SOX5: variants seen among roughly 807,000 people sequenced by gnomAD.
SOX5 encodes SRY-box transcription factor 5, also known as transcription factor SOX-5.
In SOX5, 9 loss-of-function variants were observed where a neutral mutation model predicts 92.0. The observed-to-expected ratio is 0.10, with a 90% CI of 0.06 to 0.17. The LOEUF (loss-of-function observed/expected upper bound fraction) is 0.17, where lower values mean the gene tolerates loss of function less well. SOX5 is among the 10% of genes least tolerant of loss of function. The pLI, the probability that SOX5 is intolerant of heterozygous loss-of-function variation, is 1.00. For synonymous variants in SOX5, 344 were observed against 336.3 expected (o/e 1.02, Z -0.25); for missense variants, 642 against 944.5 (o/e 0.68, Z 4.20).
At chr12:24,068,591 C>T (rs1941176737) in intron 4 of SOX5, among the ~76,000 whole-genome samples, 1 of 150,860 alleles carries the variant, frequency 6.6e-6, no homozygotes, top group Non-Finnish European at 1.5e-5. Context: ...GGAAGTTATT[C>T]ATTTTTAAGA....
rs186209279 is a variant in SOX5 at position 23,681,360 on chromosome 12, A to T, written c.811-15796T>A. Among the ~76,000 whole-genome samples, 727 of 152,076 alleles carry T rather than the reference A, an allele frequency of 4.8e-3. 5 individuals are homozygous for T. The highest frequency in any genetic ancestry group is 0.017 in the African/African-American group (700 of 41,578). Reference sequence around the variant, plus strand: ...AAAAATAAAAGAAAATAGACACAAAAGGTGATACACACAGAAAGTATGAAT... The same window carrying T: ...AAAAATAAAAGAAAATAGACACAAATGGTGATACACACAGAAAGTATGAAT... On this transcript the variant is annotated intron_variant, in intron 6 of 14. Transcript: ENST00000451604.
intron 4 of SOX5, among the ~76,000 whole-genome samples, chr12:24,017,665 A>T (rs1430558846): frequency 6.6e-6 from 1 of 152,086 alleles, no homozygotes; most frequent in East Asian, 1.9e-4. Context: ...AAAAGAATGC[A>T]ACACCACAGA....
At chr12:23,563,214 TTTAA>T (rs755042340) in intron 11 of SOX5, 40 bp downstream of exon 11, 6 of 1,481,070 alleles carry the variant, frequency 4.1e-6, no homozygotes, top group East Asian at 2.3e-5. Flanking sequence ...CATTAGGCAA[TTTAA>T]TTAAGTATTT....
chr12:24,245,875 A>T (rs1189923386), intron 3 of SOX5, among the ~76,000 whole-genome samples: 1 of 152,224 alleles, frequency 6.6e-6, no homozygotes, highest in Non-Finnish European at 1.5e-5. Context: ...AAAGAAAAAA[A>T]CTTGTTAGTG....
chr12:23,806,234 C>A (rs1377437077), intron 3 of SOX5, among the ~76,000 whole-genome samples: 3 of 152,248 alleles, frequency 2.0e-5, no homozygotes, highest in African/African-American at 7.2e-5. Context: ...CAGCCTTCTA[C>A]ACTGAAACCT....
At chr12:23,891,530 A>C (rs2097129440) in intron 2 of SOX5, among the ~76,000 whole-genome samples, 1 of 152,078 alleles carries the variant, frequency 6.6e-6, no homozygotes, top group East Asian at 1.9e-4. Flanking sequence ...CAAAATATAT[A>C]CCTCCCAGCA....
intron 8 of SOX5, among the ~76,000 whole-genome samples, chr12:23,608,782 G>A (rs919775335): frequency 1.3e-5 from 2 of 152,052 alleles, no homozygotes; most frequent in African/African-American, 2.4e-5. Flanking sequence ...GAAAGCACAT[G>A]GTAAAGAATG....
chr12:24,020,773 A>G (rs1156586565), intron 4 of SOX5, among the ~76,000 whole-genome samples: 2 of 152,196 alleles, frequency 1.3e-5, no homozygotes, highest in Non-Finnish European at 2.9e-5. Context: ...GGAAGACCAT[A>G]TGTAGTTCTG....
At chr12:24,163,535 C>CTGAA (rs1953020726) in intron 4 of SOX5, among the ~76,000 whole-genome samples, 1 of 147,536 alleles carries the variant, frequency 6.8e-6, no homozygotes, top group Non-Finnish European at 1.5e-5. Context: ...TTATTCCGAG[C>CTGAA]TTTATTCTAC....
intron 1 of SOX5, among the ~76,000 whole-genome samples, chr12:24,548,064 A>G (rs1314752857): frequency 6.6e-6 from 1 of 152,216 alleles, no homozygotes; most frequent in Non-Finnish European, 1.5e-5. Context: ...CATTCATTCT[A>G]TCATTAATTC....
rs151174378 is a variant in SOX5, at chr12:24,106,055, G to T, written c.-2+107288C>A. Among the ~76,000 whole-genome samples, 123 of 151,986 alleles carry T rather than the reference G, an allele frequency of 8.1e-4. 1 individual carries two copies. The East Asian group carries it at 0.023, about 29-fold the overall frequency. On this transcript the variant is annotated intron_variant, in intron 4 of 4. Transcript: ENST00000446891. ...GATATAAAAAACAGAAACTATAAAA[G>T]AAAAAATTGATAGGTTGGATTTTAT... is the stretch of plus-strand genomic sequence containing the variant.
At chr12:23,627,538 T>C (rs979548122) in intron 8 of SOX5, among the ~76,000 whole-genome samples, 1 of 152,138 alleles carries the variant, frequency 6.6e-6, no homozygotes, top group African/African-American at 2.4e-5. Context: ...TAATGATGAA[T>C]ATAACAGCTA....
At chr12:24,096,796 T>C (rs1945468414) in intron 4 of SOX5, among the ~76,000 whole-genome samples, 1 of 152,150 alleles carries the variant, frequency 6.6e-6, no homozygotes, top group Non-Finnish European at 1.5e-5. Context: ...GTGTGTGTTC[T>C]CATAATAACT....
chr12:24,054,811 C>T (rs1311300284), intron 4 of SOX5, among the ~76,000 whole-genome samples: 1 of 152,122 alleles, frequency 6.6e-6, no homozygotes, highest in Non-Finnish European at 1.5e-5. Flanking sequence ...CAAGTGAACA[C>T]GGGCATGTAT....
chr12:23,958,475 C>A (rs1017620093), intron 4 of SOX5, among the ~76,000 whole-genome samples: 1 of 151,854 alleles, frequency 6.6e-6, no homozygotes, highest in Admixed American at 6.6e-5. Context: ...AACTAGAAAT[C>A]AATAATTTTC....
chr12:23,924,544 G>A (rs1225255092), intron 1 of SOX5, among the ~76,000 whole-genome samples: 1 of 152,090 alleles, frequency 6.6e-6, no homozygotes, highest in African/African-American at 2.4e-5. Flanking sequence ...GGTGATGCAG[G>A]TTTAAATCAG....
chr12:24,344,050 C>T (rs972706578), intron 2 of SOX5, among the ~76,000 whole-genome samples: 4 of 151,864 alleles, frequency 2.6e-5, no homozygotes, highest in African/African-American at 4.8e-5. Context: ...TTTGGGAGGC[C>T]GAGGTGGGCG....
intron 2 of SOX5, among the ~76,000 whole-genome samples, chr12:23,847,049 TATA>T (rs769528931): frequency 2.6e-4 from 39 of 152,184 alleles, no homozygotes; most frequent in Non-Finnish European, 5.4e-4. Flanking sequence ...TGGTAATTTG[TATA>T]ATATTTGGGG....
intron 3 of SOX5, among the ~76,000 whole-genome samples, chr12:23,807,091 AT>A (rs1351241284): frequency 1.3e-5 from 2 of 151,620 alleles, no homozygotes; most frequent in African/African-American, 4.8e-5. Flanking sequence ...GAAATCAAAA[AT>A]TATGTATTCT....
Sources: gnomAD v4.1 joint callset for allele counts (sites outside exome capture counted in the v4.1 genomes callset) on GRCh38, gnomAD v4.1.1 for gene constraint, MANE v1.5 for transcripts, NCBI Gene and HGNC (gene_info 2026-07-23, HGNC 2026-07-21) for gene names.